Variants in SSX2IP observed in about 807,000 individuals in gnomAD.
SSX2IP encodes afadin- and alpha-actinin-binding protein.
A neutral mutation model predicts 84.9 loss-of-function variants in SSX2IP; 55 were observed. That is an observed-to-expected ratio of 0.65 (90% confidence interval 0.52 to 0.81). SSX2IP has a LOEUF of 0.81. Among genes scored for constraint, SSX2IP ranks in the 30% least tolerant of loss-of-function variants. The pLI, the probability that SSX2IP is intolerant of heterozygous loss-of-function variation, is 0.00. For synonymous variants in SSX2IP, 239 were observed against 234.7 expected (o/e 1.02, Z -0.17); for missense variants, 664 against 705.2 (o/e 0.94, Z 0.66).
Position 84,670,690 on chromosome 1 carries a change from A to G in SSX2IP, c.169T>C (p.Cys57Arg). 1 of 1,612,932 alleles carries G rather than the reference A, an allele frequency of 6.2e-7. No homozygotes were observed. The highest frequency in any genetic ancestry group is 8.5e-7 in the Non-Finnish European group (1 of 1,179,222). The change falls in exon 3 of 14, where the codon TGC (cysteine) becomes CGC (arginine). Residue 57 changes from cysteine to arginine, a missense_variant. Physicochemically the swap from Cys to Arg is radical, Grantham distance 180. Transcript: ENST00000342203. ...CTCTGTTCAATATTATCTTCTGTGC[A>G]GAAGGCACTGAAAAAACTGTGCACA... Reference protein sequence around the residue: ...KNVHSFFSAFCTEDNIEQSIS... With the variant: ...KNVHSFFSAFRTEDNIEQSIS...
rs1166258573 is a variant in SSX2IP at position 84,646,407 on chromosome 1, A to G, written c.*1026T>C. On this transcript the variant is annotated 3_prime_UTR_variant, in exon 14 of 14. Transcript: ENST00000342203. ...TTATAAAATTTGATGGTTTTATATTATCATATTTCTTCAGTGGTAAATACC... is the reference window on the plus strand; with the variant it reads ...TTATAAAATTTGATGGTTTTATATTGTCATATTTCTTCAGTGGTAAATACC... 6.6e-6 allele frequency: 1 copy of G among 152,586 alleles called. No individual in the cohort carries two copies. Among genetic ancestry groups the G allele is most frequent in the Non-Finnish European group, 1.5e-5 (1 of 68,018 alleles). The allele number at this position is 152,586 out of a possible 1,614,324, so 9.5% of individuals were successfully genotyped here. A position where few individuals can be genotyped will look rare whatever the true frequency, so the allele number is the denominator to read the frequency against.
chr1:84,683,919 T>C (rs1655431447), intron 1 of SSX2IP, among the ~76,000 whole-genome samples: 1 of 152,104 alleles, frequency 6.6e-6, no homozygotes, highest in African/African-American at 2.4e-5. Flanking sequence ...CTTAGAAGAT[T>C]ATTAAGAAAC....
At chr1:84,674,973 G>A (rs1654115937) in intron 1 of SSX2IP, among the ~76,000 whole-genome samples, 1 of 152,162 alleles carries the variant, frequency 6.6e-6, no homozygotes, top group South Asian at 2.1e-4. Flanking sequence ...GCATATTATT[G>A]TATTTCAGCT....
intron 5 of SSX2IP, 133 bp from the exon 6 acceptor site, chr1:84,664,685 C>T (rs1570636547): frequency 1.4e-6 from 1 of 697,242 alleles, no homozygotes. Context: ...CCAGTAGAAA[C>T]CACTTTTTTA....
Position 84,652,009 on chromosome 1 carries a change from A to G in SSX2IP, c.1390-12T>C. The stretch of plus-strand genomic sequence containing the variant: ...TCAAATGCCTTTCTCTACCATAAAC[A>G]GCCAAAGAAATAATGATCAATATTT... On this transcript the variant is annotated splice_polypyrimidine_tract_variant and intron_variant, in intron 11 of 13. Transcript: ENST00000342203. The G allele has an allele frequency of 1.3e-6, 2 of 1,579,276 alleles. No homozygotes were observed. The highest frequency in any genetic ancestry group is 8.7e-7 in the Non-Finnish European group (1 of 1,148,886).
rs960541543 is a variant in SSX2IP, at chr1:84,658,387, G to T, written c.1009C>A (p.Gln337Lys). The T allele has an allele frequency of 1.4e-5, 23 of 1,614,070 alleles. No homozygotes were observed. Among genetic ancestry groups the T allele is most frequent in the Non-Finnish European group, 1.8e-5 (21 of 1,180,012 alleles). Reference protein sequence around the residue: ...WDLSCETVREQLTNSIRKQWR... With the variant: ...WDLSCETVREKLTNSIRKQWR... ...TGTTTTCTGATGCTGTTTGTAAGCT[G>T]CTCTCTCACAGTTTCACAGGAAAGG... The change falls in exon 9 of 14, where the codon CAG (glutamine) becomes AAG (lysine). Residue 337 changes from glutamine to lysine, a missense_variant. By Grantham distance (53) the Gln-to-Lys change is moderately conservative. Coordinates refer to ENST00000342203, the MANE Select transcript of SSX2IP (RefSeq NM_001166293.2).
At chr1:84,653,364 T>G (rs558719041) in intron 11 of SSX2IP, among the ~76,000 whole-genome samples, 1 of 152,178 alleles carries the variant, frequency 6.6e-6, no homozygotes, top group Admixed American at 6.5e-5. Context: ...CAAGAGGGCA[T>G]AGGCAAATTA....
chr1:84,647,727 A>G, intron 13 of SSX2IP, 120 bp from the exon 14 acceptor site: 1 of 735,886 alleles, frequency 1.4e-6, no homozygotes, highest in South Asian at 3.7e-5. Context: ...ATCTAGGCCA[A>G]AAATATAATT....
intron 5 of SSX2IP, among the ~76,000 whole-genome samples, chr1:84,665,672 A>T (rs1238921147): frequency 6.6e-6 from 1 of 152,200 alleles, no homozygotes; most frequent in African/African-American, 2.4e-5. Context: ...TTAGATTTTT[A>T]ATGTGAACTG....
In SSX2IP at chr1:84,669,705, T is replaced by C; in HGVS notation, c.402A>G (p.Leu134=). The C allele has an allele frequency of 6.2e-7, 1 of 1,613,726 alleles. No homozygotes were observed. Among genetic ancestry groups the C allele is most frequent in the Non-Finnish European group, 8.5e-7 (1 of 1,179,724 alleles). ...CCTTAAGTTTTGAGTAGCAGCTCTG[T>C]AGATGGTCCATATCACTTCCCAGCT... ...NLKLGSDMDH[L]QSCYSKLKEQ... Residue 134 remains leucine (L), a synonymous_variant, in exon 4 of 14, where the codon CTA becomes CTG. Coordinates refer to ENST00000342203, the MANE Select transcript of SSX2IP (RefSeq NM_001166293.2).
chr1:84,674,855 C>T (rs1381620739), intron 1 of SSX2IP, among the ~76,000 whole-genome samples: 3 of 152,194 alleles, frequency 2.0e-5, no homozygotes, highest in Non-Finnish European at 4.4e-5. Context: ...GTACCAATTA[C>T]ATGCTAGGAG....
chr1:84,654,485 T>TA (rs1314402056), intron 11 of SSX2IP, among the ~76,000 whole-genome samples: 1 of 152,064 alleles, frequency 6.6e-6, no homozygotes, highest in African/African-American at 2.4e-5. Flanking sequence ...GCTCATGCAC[T>TA]ATTTATAAAA....
At position 84,644,455 on chromosome 1, in the gene SSX2IP, A is replaced by G. The variant is rs1432375722; in HGVS notation, c.*2978T>C. The G allele has an allele frequency of 6.6e-6, 1 of 152,250 alleles. No homozygotes were observed. The highest frequency in any genetic ancestry group is 2.4e-5 in the African/African-American group (1 of 41,462). 9.4% of individuals were successfully genotyped at this position (152,250 alleles called of 1,614,324 possible). A position where few individuals can be genotyped will look rare whatever the true frequency, so the allele number is the denominator to read the frequency against. On this transcript the variant is annotated 3_prime_UTR_variant, in exon 14 of 14. Coordinates refer to ENST00000342203, the MANE Select transcript of SSX2IP (RefSeq NM_001166293.2). ...GCAGGTACTTAATAAATGCTTACCA[A>G]AAGACTGAAAAAGGACAAAAATAGG...
At chr1:84,656,281 T>A in intron 10 of SSX2IP, 67 bp downstream of exon 10, 1 of 1,490,008 alleles carries the variant, frequency 6.7e-7, no homozygotes. Context: ...GGAATACAAA[T>A]CTGGTAAGGT....
rs117498297 is a variant in SSX2IP at position 84,644,065 on chromosome 1, T to A, written c.*3368A>T. ...CTTTGGGAATGCTTTTTCTACTAGA[T>A]AATAATACACGCTCTTGAGGAGAGA... On this transcript the variant is annotated 3_prime_UTR_variant, in exon 14 of 14. Transcript: ENST00000342203. 13 of 152,344 alleles carry A rather than the reference T, an allele frequency of 8.5e-5. No homozygotes were observed. In the East Asian group the frequency reaches 1.7e-3, roughly 20 times the overall value. The allele number at this position is 152,344 out of a possible 1,614,324, so 9.4% of individuals were successfully genotyped here.
In SSX2IP at chr1:84,669,812, C is replaced by T. The variant is rs772917231; in HGVS notation, c.295G>A (p.Val99Ile). The change falls in exon 4 of 14, where the codon GTA becomes ATA. Residue 99 changes from valine (V) to isoleucine (I), a missense_variant. Val to Ile is a conservative substitution (Grantham distance 29, BLOSUM62 3). Coordinates refer to ENST00000342203, the MANE Select transcript of SSX2IP (RefSeq NM_001166293.2). ...AGCAGCTCATTCATACAATTTAGTACAGCTACTATATTTAACTCTCTCTTT... is the reference window on the plus strand; with the variant it reads ...AGCAGCTCATTCATACAATTTAGTATAGCTACTATATTTAACTCTCTCTTT... ...ETKRELNIVA[V>I]LNCMNELLVL... 232 of 1,613,286 alleles carry T rather than the reference C, an allele frequency of 1.4e-4. No homozygotes were observed. Among genetic ancestry groups the T allele is most frequent in the Non-Finnish European group, 1.9e-4 (224 of 1,179,464 alleles).
At chr1:84,650,196 C>CTA in intron 13 of SSX2IP, 166 bp downstream of exon 13, 3 of 682,054 alleles carry the variant, frequency 4.4e-6, no homozygotes, top group Non-Finnish European at 7.7e-6. Flanking sequence ...AGCACAGTGT[C>CTA]TATATATACT....
rs1652103843 is a variant in SSX2IP, at chr1:84,662,227, T to C, written c.898A>G (p.Arg300Gly). The C allele has an allele frequency of 1.2e-6, 2 of 1,602,380 alleles. No individual in the cohort carries two copies. The highest frequency in any genetic ancestry group is 1.7e-6 in the Non-Finnish European group (2 of 1,176,096). Residue 300 changes from arginine to glycine, a missense_variant, in exon 8 of 14, where the codon AGA becomes GGA. Transcript: ENST00000342203. ...CCTGTACTATCATCTACTCTTTCTC[T>C]AGGTTTCTTCTTTTGGGGAGAAAGA... is the stretch of plus-strand genomic sequence containing the variant. ...SLLSPQKKKPRERVDDSTGTV... is the reference protein window; with the variant it reads ...SLLSPQKKKPGERVDDSTGTV...
chr1:84,682,744 C>T (rs1655252881), intron 1 of SSX2IP, among the ~76,000 whole-genome samples: 3 of 152,128 alleles, frequency 2.0e-5, no homozygotes, highest in Admixed American at 2.0e-4. Flanking sequence ...CCTCGTGATC[C>T]TCCCACCTTG....
Sources: allele counts gnomAD v4.1 joint callset (sites outside exome capture counted in the v4.1 genomes callset), GRCh38; gene constraint gnomAD v4.1.1; transcripts MANE v1.5; gene names NCBI Gene and HGNC (gene_info 2026-07-23, HGNC 2026-07-21).